The following TAX1BP1 variants were observed in gnomAD, a reference collection of about 807,000 sequenced individuals.
The protein encoded by TAX1BP1 is Tax1 binding protein 1.
TAX1BP1 carries 62 observed loss-of-function variants against 97.7 expected under a neutral mutation model. The ratio of observed to expected loss-of-function variants is 0.63; its 90% CI spans 0.52 to 0.78. TAX1BP1 has a LOEUF of 0.78. TAX1BP1 is among the 30% of genes least tolerant of loss of function. The pLI is 0.00. For synonymous variants in TAX1BP1, 340 were observed against 304.2 expected (o/e 1.12, Z -1.23); for missense variants, 867 against 916.1 (o/e 0.95, Z 0.69).
rs534558003 is a variant in TAX1BP1, at chr7:27,758,976, C to T, written c.265+843C>T. On this transcript the variant is annotated intron_variant, in intron 3 of 16. Coordinates refer to ENST00000396319, the MANE Select transcript of TAX1BP1 (RefSeq NM_006024.7). ...ATAGTAAATTTTATGTGTTTTTTAGCACAACTTAAAAACTTGAAAAAAAAA... is the reference window on the plus strand; with the variant it reads ...ATAGTAAATTTTATGTGTTTTTTAGTACAACTTAAAAACTTGAAAAAAAAA... Among the ~76,000 whole-genome samples, 5 of 147,322 alleles carry T rather than the reference C, an allele frequency of 3.4e-5. No individual in the cohort carries two copies. The South Asian group carries it at 1.1e-3, about 34-fold the overall frequency.
At chr7:27,809,758 T>G (rs1456484427) in intron 13 of TAX1BP1, among the ~76,000 whole-genome samples, 1 of 152,200 alleles carries the variant, frequency 6.6e-6, no homozygotes, top group Admixed American at 6.5e-5. Flanking sequence ...ATAAAGTTGC[T>G]TGACTGTACC....
chr7:27,743,391 C>T (rs1182194303), intron 1 of TAX1BP1, among the ~76,000 whole-genome samples: 8 of 152,106 alleles, frequency 5.3e-5, no homozygotes, highest in Non-Finnish European at 1.2e-4. Flanking sequence ...GTTTGTGTGT[C>T]CTATCGGATT....
chr7:27,783,048 A>AT (rs1018129238), intron 5 of TAX1BP1, among the ~76,000 whole-genome samples: 12 of 152,096 alleles, frequency 7.9e-5, no homozygotes, highest in South Asian at 4.1e-4. Context: ...GGAAACAGTG[A>AT]TTTTTTTAGT....
In TAX1BP1 at chr7:27,816,460, T is replaced by C. The variant is rs1790772393; in HGVS notation, c.1876T>C (p.Leu626=). The change falls in exon 14 of 17, where the codon TTG becomes CTG. Residue 626 remains leucine (L), a synonymous_variant. Transcript: ENST00000396319. The stretch of plus-strand genomic sequence containing the variant: ...AGAGCAAAATGGTTATGTTCTCACA[T>C]TGTCAAATGCACAACCAGTTCTGCA... ...CSEQNGYVLT[L]SNAQPVLQYG... The C allele has an allele frequency of 1.9e-6, 3 of 1,566,060 alleles. No homozygotes were observed. The highest frequency in any genetic ancestry group is 2.6e-6 in the Non-Finnish European group (3 of 1,165,750).
Position 27,792,219 on chromosome 7 carries a change from A to G in TAX1BP1, c.1252A>G (p.Lys418Glu), listed in dbSNP as rs1789743842. ...AVAELKLNAM[K>E]KDQDKTDTLE... ...GGCAGAACTTAAACTAAATGCTATG[A>G]AAAAAGATCAGGTAAAACAAGTTAA... The change falls in exon 9 of 17, where the codon AAA becomes GAA. Residue 418 changes from lysine to glutamate, a missense_variant. This residue lies in a region of TAX1BP1 where 822 missense variants were observed against 851.4 expected (regional missense o/e 0.97). Transcript: ENST00000396319. 6.2e-7 allele frequency: 1 copy of G among 1,607,954 alleles called. No homozygotes were observed. The highest frequency in any genetic ancestry group is 8.5e-7 in the Non-Finnish European group (1 of 1,176,762).
chr7:27,775,829 T>G (rs138695619), intron 5 of TAX1BP1, among the ~76,000 whole-genome samples: 1 of 152,298 alleles, frequency 6.6e-6, no homozygotes, highest in East Asian at 1.9e-4. Flanking sequence ...ACTTCAGTTT[T>G]CAGTCCGTTC....
At chr7:27,794,869 CTATT>C (rs1336859546) in intron 11 of TAX1BP1, among the ~76,000 whole-genome samples, 1 of 152,020 alleles carries the variant, frequency 6.6e-6, no homozygotes, top group African/African-American at 2.4e-5. Context: ...TCATATTTTT[CTATT>C]TATTCATTTA....
chr7:27,817,057 G>T lies in TAX1BP1; in HGVS notation c.2085+19G>T. ...TAGCAAAGTAAATTGAATTTTCATT[G>T]TGTGAGCCTGTCCCTTTTTTATTTT... On this transcript the variant is annotated intron_variant, in intron 15 of 16. Coordinates refer to ENST00000396319, the MANE Select transcript of TAX1BP1 (RefSeq NM_006024.7). 1.3e-6 allele frequency: 2 copies of T among 1,596,640 alleles called. No homozygotes were observed. Among genetic ancestry groups the T allele is most frequent in the Non-Finnish European group, 1.7e-6 (2 of 1,174,736 alleles).
At chr7:27,800,574 AAATT>A (rs1790094359) in intron 13 of TAX1BP1, among the ~76,000 whole-genome samples, 1 of 152,040 alleles carries the variant, frequency 6.6e-6, no homozygotes, top group Admixed American at 6.6e-5. Flanking sequence ...TAAAAAATAA[AAATT>A]AATAAATAAA....
chr7:27,817,359 CTATATT>C (rs1462978019), intron 15 of TAX1BP1, among the ~76,000 whole-genome samples: 2 of 152,142 alleles, frequency 1.3e-5, no homozygotes, highest in Non-Finnish European at 2.9e-5. Flanking sequence ...AAGTAACTTA[CTATATT>C]CTTTTGATTA....
intron 15 of TAX1BP1, among the ~76,000 whole-genome samples, chr7:27,818,953 A>G (rs1356444926): frequency 6.6e-6 from 1 of 152,160 alleles, no homozygotes; most frequent in Non-Finnish European, 1.5e-5. Flanking sequence ...TGTCAAATGG[A>G]CTAAACCAGA....
intron 4 of TAX1BP1, 151 bp downstream of exon 4, chr7:27,766,172 G>GGATTA: frequency 1.3e-6 from 1 of 748,804 alleles, no homozygotes; most frequent in Non-Finnish European, 2.1e-6. Flanking sequence ...TGTAATCCCG[G>GGATTA]CACTCTGGGA....
chr7:27,770,203 A>G (rs1245664405), intron 5 of TAX1BP1, among the ~76,000 whole-genome samples: 1 of 152,062 alleles, frequency 6.6e-6, no homozygotes, highest in Non-Finnish European at 1.5e-5. Flanking sequence ...ATTACTTTTC[A>G]AAAAAGCATA....
At chr7:27,819,294 G>C (rs973553482) in intron 15 of TAX1BP1, among the ~76,000 whole-genome samples, 3 of 151,642 alleles carry the variant, frequency 2.0e-5, no homozygotes, top group Admixed American at 2.0e-4. Context: ...CACATAAATT[G>C]AAAGAAAATT....
intron 15 of TAX1BP1, among the ~76,000 whole-genome samples, chr7:27,824,051 A>G (rs530274803): frequency 6.6e-6 from 1 of 152,200 alleles, no homozygotes; most frequent in Non-Finnish European, 1.5e-5. Flanking sequence ...CCTTTTGACT[A>G]TTGTGAATAA....
intron 13 of TAX1BP1, among the ~76,000 whole-genome samples, chr7:27,813,244 C>T (rs185113145): frequency 3.1e-4 from 47 of 150,570 alleles, no homozygotes; most frequent in African/African-American, 5.1e-4. Context: ...GCCTTGACCT[C>T]GACCTCTTGG....
intron 13 of TAX1BP1, among the ~76,000 whole-genome samples, chr7:27,805,834 T>TCAA (rs201652935): frequency 0.021 from 3,159 of 151,814 alleles, 94 homozygotes; most frequent in African/African-American, 0.068. Context: ...AGACTCTGTA[T>TCAA]CAACAACAAC....
At chr7:27,756,900 C>G (rs927124825) in intron 2 of TAX1BP1, among the ~76,000 whole-genome samples, 5 of 151,986 alleles carry the variant, frequency 3.3e-5, no homozygotes, top group African/African-American at 1.2e-4. Context: ...AAGATTTGTC[C>G]CAGCATGCAG....
chr7:27,799,893 T>A, intron 12 of TAX1BP1, 72 bp from the exon 13 acceptor site: 1 of 1,261,566 alleles, frequency 7.9e-7, no homozygotes, highest in Admixed American at 2.6e-5. Context: ...AGCCCATATC[T>A]AAGTACATTA....
Sources: allele counts gnomAD v4.1 joint callset (sites outside exome capture counted in the v4.1 genomes callset), GRCh38; gene constraint gnomAD v4.1.1; regional missense constraint gnomAD v4.1.1; transcripts MANE v1.5; gene names NCBI Gene and HGNC (gene_info 2026-07-23, HGNC 2026-07-21).